PRELID3A: variants seen among roughly 807,000 people sequenced by gnomAD.
PRELID3A encodes PRELI domain containing 3A.
A neutral mutation model predicts 23.0 loss-of-function variants in PRELID3A; 27 were observed. The observed-to-expected ratio is 1.17, with a 90% CI of 0.87 to 1.62. The LOEUF (loss-of-function observed/expected upper bound fraction) is 1.62, where lower values mean the gene tolerates loss of function less well. PRELID3A is among the 40% of genes most tolerant of loss of function. PRELID3A has a pLI of 0.00. For synonymous variants in PRELID3A, 87 were observed against 86.4 expected (o/e 1.01, Z -0.04); for missense variants, 231 against 231.4 (o/e 1.00, Z 0.01).
At chr18:12,416,108 G>C (rs981711610) in intron 1 of PRELID3A, among the ~76,000 whole-genome samples, 1 of 152,174 alleles carries the variant, frequency 6.6e-6, no homozygotes, top group Non-Finnish European at 1.5e-5. Flanking sequence ...GACTGATTTC[G>C]GCAGGGGCGG....
At chr18:12,423,657 G>A (rs2143377919) in intron 3 of PRELID3A, among the ~76,000 whole-genome samples, 2 of 152,340 alleles carry the variant, frequency 1.3e-5, no homozygotes, top group South Asian at 4.1e-4. Flanking sequence ...CAGTGCTGCA[G>A]TGAGGGAATG....
intron 1 of PRELID3A, among the ~76,000 whole-genome samples, chr18:12,418,077 T>G (rs2030021295): frequency 6.6e-6 from 1 of 152,192 alleles, no homozygotes; most frequent in South Asian, 2.1e-4. Flanking sequence ...GAGGGTAAAG[T>G]AAATTACTGA....
chr18:12,429,509 G>C, intron 6 of PRELID3A, 73 bp downstream of exon 6: 1 of 977,766 alleles, frequency 1.0e-6, no homozygotes. Flanking sequence ...TGCACATGGT[G>C]AGGGGACGCC....
intron 1 of PRELID3A, among the ~76,000 whole-genome samples, chr18:12,411,505 T>G (rs1909911682): frequency 6.6e-6 from 1 of 150,780 alleles, no homozygotes; most frequent in African/African-American, 2.4e-5. Flanking sequence ...TTAAAATGTC[T>G]TCTTCCCAGC....
chr18:12,429,310 G>A (rs763551606), intron 5 of PRELID3A, 40 bp from the exon 6 acceptor site: 10 of 1,594,190 alleles, frequency 6.3e-6, no homozygotes, highest in South Asian at 3.3e-5. Flanking sequence ...AGCGGGAGGC[G>A]GGACGACCCA....
chr18:12,421,905 C>G (rs1234717493), intron 3 of PRELID3A, among the ~76,000 whole-genome samples: 2 of 152,022 alleles, frequency 1.3e-5, no homozygotes, highest in Non-Finnish European at 2.9e-5. Context: ...CCTTGGGCAC[C>G]CCCCACAGGA....
chr18:12,427,302 G>T lies in PRELID3A; in HGVS notation c.444G>T (p.Thr148=), dbSNP rs762892823. 4 of 1,611,956 alleles carry T rather than the reference G, an allele frequency of 2.5e-6. No homozygotes were observed. Among genetic ancestry groups the T allele is most frequent in the East Asian group, 2.2e-5 (1 of 44,872 alleles). ...GSYLESLMAN[T]ISSNAKKGWA... is the part of the protein sequence containing the mutation. ...ATTTGGAAAGTTTAATGGCCAATAC[G>T]ATATCATCCAATGCAAAGAAGGTAT... Residue 148 remains threonine (T), a synonymous_variant, in exon 5 of 7, where the codon ACG becomes ACT. Transcript: ENST00000440960.
intron 1 of PRELID3A, among the ~76,000 whole-genome samples, chr18:12,415,452 G>T (rs1001284127): frequency 6.6e-6 from 1 of 151,496 alleles, no homozygotes; most frequent in African/African-American, 2.4e-5. Flanking sequence ...TAGAGACTGG[G>T]TTTCACCATG....
chr18:12,417,143 AATC>A (rs2029986566), intron 1 of PRELID3A, among the ~76,000 whole-genome samples: 2 of 152,166 alleles, frequency 1.3e-5, no homozygotes, highest in South Asian at 2.1e-4. Context: ...ATTTAGTTTA[AATC>A]ATCAGCCAGA....
chr18:12,427,225 G>C lies in PRELID3A; in HGVS notation c.367G>C (p.Val123Leu), dbSNP rs200735859. Residue 123 changes from valine (V) to leucine (L), a missense_variant, in exon 5 of 7, where the codon GTG (valine) becomes CTG (leucine). Coordinates refer to ENST00000440960, the MANE Select transcript of PRELID3A (RefSeq NM_001142405.2). ...TTTCTTCTTGCTCTTTTGCAGGACC[G>C]TGCTCACACAAGAAGCCATCATCAC... ...TPHPENPEMT[V>L]LTQEAIITVK... 1 of 1,613,936 alleles carries C rather than the reference G, an allele frequency of 6.2e-7. No individual in the cohort carries two copies. The highest frequency in any genetic ancestry group is 8.5e-7 in the Non-Finnish European group (1 of 1,179,896).
At chr18:12,417,868 G>A (rs1165613282) in intron 1 of PRELID3A, among the ~76,000 whole-genome samples, 1 of 152,208 alleles carries the variant, frequency 6.6e-6, no homozygotes, top group Non-Finnish European at 1.5e-5. Flanking sequence ...ATGTTAGCCA[G>A]TGGAATGCGT....
At chr18:12,420,246 G>A in intron 1 of PRELID3A, 79 bp from the exon 2 acceptor site, 1 of 1,501,864 alleles carries the variant, frequency 6.7e-7, no homozygotes, top group Admixed American at 2.2e-5. Context: ...GCCCAGGCCT[G>A]GCGGCGGCTT....
chr18:12,429,496 T>C, intron 6 of PRELID3A, 60 bp downstream of exon 6: 2 of 1,084,366 alleles, frequency 1.8e-6, no homozygotes, highest in Non-Finnish European at 2.8e-6. Flanking sequence ...CCCGTGTGCA[T>C]GGTGCACATG....
intron 6 of PRELID3A, 61 bp downstream of exon 6, chr18:12,429,497 G>C: frequency 1.8e-6 from 2 of 1,092,182 alleles, no homozygotes; most frequent in African/African-American, 1.5e-5. Flanking sequence ...CCGTGTGCAT[G>C]GTGCACATGG....
chr18:12,420,548 C>T (rs2030136877), intron 2 of PRELID3A, 55 bp downstream of exon 2: 2 of 1,433,074 alleles, frequency 1.4e-6, no homozygotes, highest in South Asian at 2.9e-5. Flanking sequence ...CACTCCCGCC[C>T]CCGCCCTCTC....
In PRELID3A at chr18:12,427,306, T is replaced by C; in HGVS notation, c.448T>C (p.Ser150Pro). 6.2e-7 allele frequency: 1 copy of C among 1,611,160 alleles called. No homozygotes were observed. Among genetic ancestry groups the C allele is most frequent in the Non-Finnish European group, 8.5e-7 (1 of 1,177,294 alleles). ...YLESLMANTI[S>P]SNAKKGWAAI... ...GGAAAGTTTAATGGCCAATACGATA[T>C]CATCCAATGCAAAGAAGGTATGTAT... The change falls in exon 5 of 7, where the codon TCA becomes CCA. Residue 150 changes from serine to proline, a missense_variant. Ser to Pro is a moderately conservative substitution (Grantham distance 74). Coordinates refer to ENST00000440960, the MANE Select transcript of PRELID3A (RefSeq NM_001142405.2).
intron 1 of PRELID3A, among the ~76,000 whole-genome samples, chr18:12,418,152 T>C (rs2030023554): frequency 6.6e-6 from 1 of 152,230 alleles, no homozygotes; most frequent in South Asian, 2.1e-4. Flanking sequence ...CCTCATAATC[T>C]TTCATATTTT....
At position 12,427,343 on chromosome 18, in the gene PRELID3A, G is replaced by C; in HGVS notation, c.465+20G>C. On this transcript the variant is annotated intron_variant, in intron 5 of 6. Transcript: ENST00000440960. ...AAGAAGGTATGTATCTCAATCCTAG[G>C]AGTCCTGTGTGTGCTCTAGTTGTTA... 6.5e-7 allele frequency: 1 copy of C among 1,530,108 alleles called. No homozygotes were observed. 94.8% of individuals were successfully genotyped at this position (1,530,108 alleles called of 1,614,324 possible).
At chr18:12,429,458 C>T in intron 6 of PRELID3A, 22 bp downstream of exon 6, 1 of 1,509,878 alleles carries the variant, frequency 6.6e-7, no homozygotes, top group Non-Finnish European at 9.2e-7. Context: ...ATTCACTCAC[C>T]TGGGGGGGTA....
Sources: allele counts gnomAD v4.1 joint callset (sites outside exome capture counted in the v4.1 genomes callset), GRCh38; gene constraint gnomAD v4.1.1; transcripts MANE v1.5; gene names NCBI Gene and HGNC (gene_info 2026-07-23, HGNC 2026-07-21).